SCARB2: variants seen among roughly 807,000 people sequenced by gnomAD.
The protein encoded by SCARB2 is lysosome membrane protein 2.
In SCARB2, 29 loss-of-function variants were observed where a neutral mutation model predicts 58.6. That is an observed-to-expected ratio of 0.49 (90% CI 0.37 to 0.67). The LOEUF (loss-of-function observed/expected upper bound fraction) is 0.67, where lower values mean the gene tolerates loss of function less well. Ranked by LOEUF, SCARB2 falls within the 30% of genes least tolerant of loss-of-function variation. The probability of loss-of-function intolerance (pLI) is 0.00; values close to 1 mark genes in which losing one functional copy is unlikely to be tolerated. For missense variants in SCARB2, 488 were observed against 578.5 expected (o/e 0.84, Z 1.60); for synonymous variants, 195 against 210.1 (o/e 0.93, Z 0.62).
Position 76,174,290 on chromosome 4 carries a change from T to G in SCARB2, c.848A>C (p.Asp283Ala). The G allele has an allele frequency of 6.2e-7, 1 of 1,614,160 alleles. No individual in the cohort carries two copies. The highest frequency in any genetic ancestry group is 8.5e-7 in the Non-Finnish European group (1 of 1,179,976). ...FCRSVYITFS[D>A]YESVQGLPAF... ...AGGCAGTCCCTGTACACTCTCATAG[T>G]CACTGAAAGTAATATACACTGACCT... Residue 283 changes from aspartate (D) to alanine (A), a missense_variant, in exon 7 of 12, where the codon GAC becomes GCC. By Grantham distance (126) the Asp-to-Ala change is moderately radical (BLOSUM62 -2). Transcript: ENST00000264896.
rs547765172 is a variant in SCARB2 at position 76,184,823 on chromosome 4, T to G, written c.276-3722A>C. ...AATTTTAATTTAAAAACAAGAAAAC[T>G]CAGTAAAAGACAGGATTCCTCCCAG... On this transcript the variant is annotated intron_variant, in intron 2 of 11. Coordinates refer to ENST00000264896, the MANE Select transcript of SCARB2 (RefSeq NM_005506.4). 1.4e-5 allele frequency: 5 copies of G among 357,808 alleles called. No homozygotes were observed. In the East Asian group the frequency reaches 4.7e-4, roughly 34 times the overall value. 22.2% of individuals were successfully genotyped at this position (357,808 alleles called of 1,614,324 possible). A position where few individuals can be genotyped will look rare whatever the true frequency, so the allele number is the denominator to read the frequency against.
rs1731864304 is a variant in SCARB2, at chr4:76,160,041, G to T, written c.*1672C>A. 1 of 152,116 alleles carries T rather than the reference G, an allele frequency of 6.6e-6. No individual in the cohort carries two copies. The highest frequency in any genetic ancestry group is 2.4e-5 in the African/African-American group (1 of 41,418). 9.4% of individuals were successfully genotyped at this position (152,116 alleles called of 1,614,324 possible). A position where few individuals can be genotyped will look rare whatever the true frequency, so the allele number is the denominator to read the frequency against. ...TGTTAGTTTTTTTACATTTTGGTGA[G>T]TTGGAGTATCTAAAGGTTCTATCTT... On this transcript the variant is annotated 3_prime_UTR_variant, in exon 12 of 12. Coordinates refer to ENST00000264896, the MANE Select transcript of SCARB2 (RefSeq NM_005506.4).
upstream of SCARB2, chr4:76,214,403 G>C (rs1222694318): frequency 2.4e-6 from 1 of 423,184 alleles, no homozygotes; most frequent in Non-Finnish European, 4.8e-6. Flanking sequence ...GGAGGAGGAG[G>C]CATTTCACGG....
intron 1 of SCARB2, among the ~76,000 whole-genome samples, chr4:76,202,386 C>T (rs915586522): frequency 2.0e-5 from 3 of 152,064 alleles, no homozygotes; most frequent in Admixed American, 1.3e-4. Flanking sequence ...CTCAGCCTCT[C>T]GAGTAGCTGG....
At chr4:76,165,514 T>C (rs999842453) in intron 10 of SCARB2, 7 of 152,204 alleles carry the variant, frequency 4.6e-5, no homozygotes, top group African/African-American at 1.7e-4. Flanking sequence ...GCACATGTTT[T>C]ATAAAATGTA....
At chr4:76,215,069 C>T (rs1338625038), upstream of SCARB2, among the ~76,000 whole-genome samples, 1 of 152,272 alleles carries the variant, frequency 6.6e-6, no homozygotes, top group Non-Finnish European at 1.5e-5. Context: ...GCCTTAGTAT[C>T]CCTGCTGTGC....
chr4:76,197,248 C>G (rs865914723), intron 1 of SCARB2, among the ~76,000 whole-genome samples: 1 of 152,224 alleles, frequency 6.6e-6, no homozygotes, highest in South Asian at 2.1e-4. Flanking sequence ...ATTCTCCCTG[C>G]CTCACTGACT....
intron 10 of SCARB2, 115 bp from the exon 11 acceptor site, chr4:76,163,498 C>A (rs550043285): frequency 1.9e-6 from 2 of 1,058,508 alleles, no homozygotes; most frequent in Admixed American, 1.9e-5. Context: ...GTTAGCAAAC[C>A]AAACATACTG....
intron 1 of SCARB2, among the ~76,000 whole-genome samples, chr4:76,210,097 A>C (rs575414445): frequency 2.7e-3 from 410 of 152,356 alleles, no homozygotes; most frequent in Non-Finnish European, 4.9e-3. Context: ...CAGATGACAA[A>C]TATAGCTAAA....
intron 3 of SCARB2, 194 bp from the exon 4 acceptor site, chr4:76,179,899 T>C (rs1039705317): frequency 6.3e-6 from 4 of 635,976 alleles, no homozygotes; most frequent in Non-Finnish European, 5.6e-6. Flanking sequence ...CCTTTCCCAG[T>C]ACTGCATTTT....
In SCARB2 at chr4:76,169,887, T is replaced by C; in HGVS notation, c.1093A>G (p.Thr365Ala). Residue 365 changes from threonine to alanine, a missense_variant, in exon 8 of 12, where the codon ACA becomes GCA. Transcript: ENST00000264896. ...GMHPNQEDHE[T>A]FVDINPLTGI... Reference sequence around the variant, plus strand: ...CTCACAGGATTAATGTCCACAAATGTCTCATGGTCTTCCTGATTTGGGTGC... The same window carrying C: ...CTCACAGGATTAATGTCCACAAATGCCTCATGGTCTTCCTGATTTGGGTGC... 6.2e-7 allele frequency: 1 copy of C among 1,613,402 alleles called. No homozygotes were observed. The highest frequency in any genetic ancestry group is 8.5e-7 in the Non-Finnish European group (1 of 1,179,308).
At chr4:76,216,427 T>A (rs62303000), upstream of SCARB2, among the ~76,000 whole-genome samples, 73,979 of 151,984 alleles carry the variant, frequency 0.49, 19,308 homozygotes, top group Non-Finnish European at 0.59. Context: ...ATTTTCTGTT[T>A]GCGGGCTCCA....
chr4:76,230,117 G>C (rs932088616), intron 1 of SCARB2, among the ~76,000 whole-genome samples: 17 of 152,116 alleles, frequency 1.1e-4, no homozygotes, highest in African/African-American at 4.1e-4. Flanking sequence ...TTTTGTGATT[G>C]GCTATTGGGA....
At chr4:76,184,874 A>C (rs1732455743) in intron 2 of SCARB2, 2 of 256,764 alleles carry the variant, frequency 7.8e-6, no homozygotes, top group Admixed American at 1.0e-4. Flanking sequence ...GTGATGATCA[A>C]TACACTCTCG....
intron 1 of SCARB2, among the ~76,000 whole-genome samples, chr4:76,223,504 T>C (rs1733344211): frequency 6.6e-6 from 1 of 152,176 alleles, no homozygotes; most frequent in Non-Finnish European, 1.5e-5. Flanking sequence ...CACAATATTA[T>C]CACAGTTGTC....
intron 1 of SCARB2, among the ~76,000 whole-genome samples, chr4:76,221,340 T>A (rs1372915958): frequency 6.6e-6 from 1 of 151,984 alleles, no homozygotes; most frequent in Non-Finnish European, 1.5e-5. Context: ...ATGGGGGAGA[T>A]GAAGTTTCGC....
rs1471467570 is a variant in SCARB2 at position 76,159,167 on chromosome 4, T to TC, written c.*2545dup. 6.6e-6 allele frequency: 1 copy of TC among 152,228 alleles called. No individual in the cohort carries two copies. Among genetic ancestry groups the TC allele is most frequent in the East Asian group, 1.9e-4 (1 of 5,196 alleles). 9.4% of individuals were successfully genotyped at this position (152,228 alleles called of 1,614,324 possible). A position where few individuals can be genotyped will look rare whatever the true frequency, so the allele number is the denominator to read the frequency against. ...GTGAGTTAAGCTCTCTGTCTTGGTT[T>TC]CTTCCTCTCTAAGTTGAGGATCATG... On this transcript the variant is annotated 3_prime_UTR_variant, in exon 12 of 12. Coordinates refer to ENST00000264896, the MANE Select transcript of SCARB2 (RefSeq NM_005506.4).
chr4:76,222,926 G>A (rs536354289), intron 1 of SCARB2, among the ~76,000 whole-genome samples: 2 of 152,274 alleles, frequency 1.3e-5, no homozygotes, highest in South Asian at 2.1e-4. Flanking sequence ...GGCAGGGGGG[G>A]AAGAGGCCCA....
upstream of SCARB2, among the ~76,000 whole-genome samples, chr4:76,218,423 A>G (rs564748637): frequency 5.9e-5 from 9 of 152,250 alleles, no homozygotes; most frequent in Admixed American, 2.0e-4. Context: ...GAGCTCATAT[A>G]CCATTTATAT....
Sources: gnomAD v4.1 joint callset for allele counts (sites outside exome capture counted in the v4.1 genomes callset) on GRCh38, gnomAD v4.1.1 for gene constraint, MANE v1.5 for transcripts, NCBI Gene and HGNC (gene_info 2026-07-23, HGNC 2026-07-21) for gene names.